RGS8: variants seen among roughly 807,000 people sequenced by gnomAD.
The protein encoded by RGS8 is regulator of G protein signaling 8, also known as regulator of G-protein signaling 8.
RGS8 carries 8 observed loss-of-function variants against 21.7 expected under a neutral mutation model. That is an observed-to-expected ratio of 0.37 (90% CI 0.22 to 0.66). The LOEUF is 0.66. RGS8 is among the 30% of genes least tolerant of loss of function. RGS8 has a pLI of 0.59. For synonymous variants in RGS8, 80 were observed against 83.6 expected (o/e 0.96, Z 0.24); for missense variants, 157 against 217.9 (o/e 0.72, Z 1.76).
chr1:182,722,217 GT>G, the RGS8 span, among the ~76,000 whole-genome samples: 4,444 of 144,502 alleles, frequency 0.031, 87 homozygotes, highest in African/African-American at 0.057. Flanking sequence ...AGAAACAAGT[GT>G]TTTTTTTTTT....
the RGS8 span, among the ~76,000 whole-genome samples, chr1:182,721,046 CATACATAT>C: frequency 7.1e-3 from 486 of 68,180 alleles, 36 homozygotes; most frequent in African/African-American, 0.029. Flanking sequence ...TATACATATA[CATACATAT>C]ATATGTGTGT....
At chr1:182,717,526 C>A in the RGS8 span, among the ~76,000 whole-genome samples, 9 of 152,312 alleles carry the variant, frequency 5.9e-5, no homozygotes, top group South Asian at 1.9e-3. Flanking sequence ...ATCAGTGAAA[C>A]CCTGGAAAGG....
chr1:182,671,011 A>G (rs1300160551), intron 2 of RGS8, among the ~76,000 whole-genome samples: 2 of 152,156 alleles, frequency 1.3e-5, no homozygotes, highest in Non-Finnish European at 2.9e-5. Context: ...TTATTATCCT[A>G]GAGCCAAGTG....
the RGS8 span, among the ~76,000 whole-genome samples, chr1:182,741,075 C>T: frequency 6.6e-6 from 1 of 151,894 alleles, no homozygotes; most frequent in African/African-American, 2.4e-5. Context: ...TTGGGTACAC[C>T]TCCCAGACGG....
At chr1:182,719,803 A>G in the RGS8 span, among the ~76,000 whole-genome samples, 1 of 152,250 alleles carries the variant, frequency 6.6e-6, no homozygotes, top group East Asian at 1.9e-4. Context: ...TAAATGCAGT[A>G]TGTTTATACC....
chr1:182,748,004 CA>C, the RGS8 span, among the ~76,000 whole-genome samples: 3 of 151,908 alleles, frequency 2.0e-5, no homozygotes, highest in African/African-American at 7.3e-5. Context: ...TTTAAATTGA[CA>C]GGTATCATTG....
the RGS8 span, among the ~76,000 whole-genome samples, chr1:182,711,173 AC>A: frequency 6.6e-6 from 1 of 152,170 alleles, no homozygotes; most frequent in Admixed American, 6.5e-5. Flanking sequence ...ATGAGCCAGT[AC>A]CTCTGTACTG....
At chr1:182,739,751 G>A in the RGS8 span, among the ~76,000 whole-genome samples, 6 of 151,944 alleles carry the variant, frequency 3.9e-5, no homozygotes, top group Admixed American at 3.3e-4. Flanking sequence ...CCCAGCCAGC[G>A]GGCAGCCCAC....
At chr1:182,662,765 C>T (rs773919383) in intron 5 of RGS8, among the ~76,000 whole-genome samples, 12 of 152,166 alleles carry the variant, frequency 7.9e-5, no homozygotes, top group Non-Finnish European at 1.2e-4. Flanking sequence ...CATGCCTGTT[C>T]GCTCAGAGGC....
chr1:182,659,982 C>T (rs1663505569), intron 5 of RGS8, among the ~76,000 whole-genome samples: 1 of 152,170 alleles, frequency 6.6e-6, no homozygotes, highest in Non-Finnish European at 1.5e-5. Flanking sequence ...ATTGGCAATT[C>T]TAATACTACC....
chr1:182,661,498 A>T (rs1159608093), intron 5 of RGS8, among the ~76,000 whole-genome samples: 7 of 152,088 alleles, frequency 4.6e-5, no homozygotes, highest in Non-Finnish European at 1.0e-4. Context: ...AAAAGTATCA[A>T]AGGACAGAGG....
At position 182,666,053 on chromosome 1, in the gene RGS8, T is replaced by G. The variant is rs375275252; in HGVS notation, c.129-20A>C. 6.2e-7 allele frequency: 1 copy of G among 1,603,124 alleles called. No individual in the cohort carries two copies. Among genetic ancestry groups the G allele is most frequent in the Non-Finnish European group, 8.5e-7 (1 of 1,170,390 alleles). Reference sequence around the variant, plus strand: ...AATCTCCTAGAAAAAAAGAAACATCTGTCTTGAATGTTTCTGAAATAACCT... The same window carrying G: ...AATCTCCTAGAAAAAAAGAAACATCGGTCTTGAATGTTTCTGAAATAACCT... On this transcript the variant is annotated intron_variant, in intron 4 of 6. Coordinates refer to ENST00000483095, the Ensembl canonical transcript of RGS8.
upstream of RGS8, among the ~76,000 whole-genome samples, chr1:182,685,120 G>T (rs1264259831): frequency 1.3e-5 from 2 of 151,150 alleles, no homozygotes; most frequent in African/African-American, 4.9e-5. Flanking sequence ...AGACATGAAA[G>T]AGTGTAATGC....
chr1:182,680,268 T>C lies in RGS8; in HGVS notation n.221+4088A>G, dbSNP rs181734310. Among the ~76,000 whole-genome samples the C allele has an allele frequency of 2.0e-5, 3 of 152,274 alleles. No individual in the cohort carries two copies. In the East Asian group the frequency reaches 5.8e-4, roughly 29 times the overall value. On this transcript the variant is annotated intron_variant and non_coding_transcript_variant, in intron 1 of 4. Transcript: ENST00000515211. ...ATCCTGATACACAAACACCCCAAGG[T>C]CTGGCTACCTTGAGAGTCACCTACC...
upstream of RGS8, chr1:182,672,811 C>T: frequency 6.2e-7 from 1 of 1,614,108 alleles, no homozygotes; most frequent in Middle Eastern, 1.6e-4. Context: ...TCTTTCAAAC[C>T]TCCTTACCCA....
the RGS8 span, among the ~76,000 whole-genome samples, chr1:182,728,983 C>G: frequency 6.6e-6 from 1 of 152,272 alleles, no homozygotes; most frequent in Non-Finnish European, 1.5e-5. Flanking sequence ...TGTACATGTA[C>G]CCCATCCTGT....
chr1:182,722,800 C>G, the RGS8 span, among the ~76,000 whole-genome samples: 3 of 152,048 alleles, frequency 2.0e-5, no homozygotes, highest in Non-Finnish European at 2.9e-5. Context: ...CACGGTGAAA[C>G]CCCGTCTCTA....
chr1:182,679,222 C>G (rs1278880019), intron 1 of RGS8, among the ~76,000 whole-genome samples: 1 of 152,128 alleles, frequency 6.6e-6, no homozygotes, highest in Non-Finnish European at 1.5e-5. Context: ...TTGAAAGAGT[C>G]TCCTCTGCTT....
At chr1:182,727,724 CTAAAG>C in the RGS8 span, among the ~76,000 whole-genome samples, 1 of 152,008 alleles carries the variant, frequency 6.6e-6, no homozygotes, top group African/African-American at 2.4e-5. Context: ...ATTTTAGGCT[CTAAAG>C]TATAGAGTTT....
Sources: allele counts gnomAD v4.1 joint callset (sites outside exome capture counted in the v4.1 genomes callset), GRCh38; gene constraint gnomAD v4.1.1; transcripts MANE v1.5; gene names NCBI Gene and HGNC (gene_info 2026-07-23, HGNC 2026-07-21).